PLOD2: variants seen among roughly 807,000 people sequenced by gnomAD.
The protein encoded by PLOD2 is procollagen-lysine,2-oxoglutarate 5-dioxygenase 2, also known as lysine hydroxylase 2.
A neutral mutation model predicts 101.0 loss-of-function variants in PLOD2; 65 were observed. That is an observed-to-expected ratio of 0.64 (90% CI 0.53 to 0.79). The LOEUF is 0.79. Ranked by LOEUF, PLOD2 falls within the 30% of genes least tolerant of loss-of-function variation. The pLI, the probability that PLOD2 is intolerant of heterozygous loss-of-function variation, is 0.00. For missense variants in PLOD2, 909 were observed against 914.6 expected (o/e 0.99, Z 0.08); for synonymous variants, 314 against 302.9 (o/e 1.04, Z -0.38).
intron 5 of PLOD2, among the ~76,000 whole-genome samples, chr3:146,105,829 A>G (rs997790592): frequency 2.6e-5 from 4 of 152,216 alleles, no homozygotes; most frequent in African/African-American, 9.6e-5. Flanking sequence ...AAAGAAGCTC[A>G]GAGAGGTACA....
At chr3:146,094,900 C>T (rs910262118) in intron 7 of PLOD2, among the ~76,000 whole-genome samples, 3 of 152,002 alleles carry the variant, frequency 2.0e-5, no homozygotes, top group Non-Finnish European at 2.9e-5. Flanking sequence ...AGAACAGAGG[C>T]CTCAGAAATA....
intron 7 of PLOD2, among the ~76,000 whole-genome samples, chr3:146,097,062 G>A (rs1323051141): frequency 7.5e-5 from 11 of 146,746 alleles, no homozygotes; most frequent in South Asian, 2.2e-4. Flanking sequence ...TCCTCTGCCC[G>A]GCCGCCCCTA....
intron 5 of PLOD2, among the ~76,000 whole-genome samples, chr3:146,106,116 C>T (rs1468064621): frequency 1.3e-5 from 2 of 152,076 alleles, no homozygotes; most frequent in Non-Finnish European, 2.9e-5. Flanking sequence ...GATAATGTAA[C>T]CTATTCTGTT....
At chr3:146,081,306 T>C (rs1936532435) in intron 12 of PLOD2, among the ~76,000 whole-genome samples, 1 of 152,138 alleles carries the variant, frequency 6.6e-6, no homozygotes, top group South Asian at 2.1e-4. Context: ...AAAAAACTCA[T>C]GCAATCAGGA....
At chr3:146,076,955 A>T in intron 14 of PLOD2, 60 bp from the exon 15 acceptor site, 4 of 1,352,434 alleles carry the variant, frequency 3.0e-6, no homozygotes, top group African/African-American at 1.5e-5. Flanking sequence ...AAATTTAATC[A>T]TAGGAAAAAT....
chr3:146,074,381 T>C (rs909045730), intron 15 of PLOD2, among the ~76,000 whole-genome samples: 2 of 151,526 alleles, frequency 1.3e-5, no homozygotes, highest in African/African-American at 4.8e-5. Flanking sequence ...TAAAAGATAT[T>C]TGCCTTAAAT....
At chr3:146,140,959 G>A (rs142398401) in intron 1 of PLOD2, among the ~76,000 whole-genome samples, 1 of 152,026 alleles carries the variant, frequency 6.6e-6, no homozygotes, top group East Asian at 1.9e-4. Context: ...TTTAATGTCT[G>A]AGTGTCCATG....
At chr3:146,078,432 A>T (rs748201056) in intron 13 of PLOD2, among the ~76,000 whole-genome samples, 2 of 151,938 alleles carry the variant, frequency 1.3e-5, no homozygotes, top group Non-Finnish European at 2.9e-5. Context: ...TAAATTTGGA[A>T]ATCGGAAATA....
chr3:146,126,116 A>T (rs1490087611), intron 1 of PLOD2, among the ~76,000 whole-genome samples: 1 of 152,144 alleles, frequency 6.6e-6, no homozygotes, highest in Non-Finnish European at 1.5e-5. Flanking sequence ...TACCAAATCC[A>T]ATGACTCAGA....
At chr3:146,109,790 A>G (rs1244849995) in intron 4 of PLOD2, among the ~76,000 whole-genome samples, 2 of 152,228 alleles carry the variant, frequency 1.3e-5, no homozygotes, top group Admixed American at 6.5e-5. Context: ...ATACCCAGAC[A>G]CTCAATGTTA....
At chr3:146,137,072 A>G (rs138682982) in intron 1 of PLOD2, among the ~76,000 whole-genome samples, 79 of 152,302 alleles carry the variant, frequency 5.2e-4, no homozygotes, top group African/African-American at 1.7e-3. Context: ...ATGAACTGAC[A>G]TGTTAATGCT....
At position 146,071,537 on chromosome 3, in the gene PLOD2, C is replaced by T. The variant is rs1936136334; in HGVS notation, c.1849-114G>A. Reference sequence around the variant, plus strand: ...ATAGACAATAAAAATAACAGTTGTTCCAATGTGGTATATCATCTGCTTTAA... The same window carrying T: ...ATAGACAATAAAAATAACAGTTGTTTCAATGTGGTATATCATCTGCTTTAA... On this transcript the variant is annotated intron_variant, in intron 17 of 19. Coordinates refer to ENST00000282903, the MANE Select transcript of PLOD2 (RefSeq NM_182943.3). 4 of 996,998 alleles carry T rather than the reference C, an allele frequency of 4.0e-6. No individual in the cohort carries two copies. The South Asian group carries it at 5.3e-5, about 13-fold the overall frequency. 61.8% of individuals were successfully genotyped at this position (996,998 alleles called of 1,614,324 possible).
chr3:146,076,012 TAAG>T (rs1936320278), intron 15 of PLOD2: 1 of 151,672 alleles, frequency 6.6e-6, no homozygotes, highest in Non-Finnish European at 1.5e-5. Context: ...TGCATGATGC[TAAG>T]GTTTAGGGTA....
chr3:146,099,919 G>A (rs1265578495), intron 7 of PLOD2, among the ~76,000 whole-genome samples: 2 of 100,492 alleles, frequency 2.0e-5, no homozygotes, highest in Admixed American at 1.1e-4. Context: ...TTTTGTTCTT[G>A]TTGCCCAGGC....
intron 3 of PLOD2, among the ~76,000 whole-genome samples, chr3:146,112,430 T>C (rs1406466968): frequency 6.6e-6 from 1 of 151,508 alleles, no homozygotes; most frequent in Non-Finnish European, 1.5e-5. Context: ...TTCTCACTCA[T>C]AAGTGGGAGC....
rs1183981482 is a variant in PLOD2, at chr3:146,161,074, C to T, written c.-85G>A. 3 of 828,358 alleles carry T rather than the reference C, an allele frequency of 3.6e-6. No homozygotes were observed. The highest frequency in any genetic ancestry group is 5.3e-6 in the Non-Finnish European group (3 of 571,002). 51.3% of individuals were successfully genotyped at this position (828,358 alleles called of 1,614,324 possible). A position where few individuals can be genotyped will look rare whatever the true frequency, so the allele number is the denominator to read the frequency against. ...TCGCGAGAACGCAGAGACCCGGGTC[C>T]GCCCTGAGCCGCCGATTGCGGGCGG... is the stretch of plus-strand genomic sequence containing the variant. On this transcript the variant is annotated 5_prime_UTR_variant, in exon 1 of 20. Transcript: ENST00000282903.
intron 1 of PLOD2, among the ~76,000 whole-genome samples, chr3:146,127,416 G>A (rs181407025): frequency 5.9e-5 from 9 of 152,098 alleles, no homozygotes; most frequent in African/African-American, 1.4e-4. Flanking sequence ...ACTTATAAGC[G>A]AGAACACGTG....
chr3:146,095,884 TCTCC>T (rs1937134467), intron 7 of PLOD2, among the ~76,000 whole-genome samples: 1 of 58,266 alleles, frequency 1.7e-5, no homozygotes, highest in Non-Finnish European at 3.6e-5. Flanking sequence ...CCCTCTCCCC[TCTCC>T]CCTCTCCCCC....
At chr3:146,080,472 G>A (rs1936498263) in intron 12 of PLOD2, among the ~76,000 whole-genome samples, 1 of 151,842 alleles carries the variant, frequency 6.6e-6, no homozygotes, top group African/African-American at 2.4e-5. Context: ...GCTAAATTCA[G>A]AAATTAATCT....
Sources: allele counts gnomAD v4.1 joint callset (sites outside exome capture counted in the v4.1 genomes callset), GRCh38; gene constraint gnomAD v4.1.1; transcripts MANE v1.5; gene names NCBI Gene and HGNC (gene_info 2026-07-23, HGNC 2026-07-21).